Variants in NFKB1 observed in about 807,000 individuals in gnomAD.
NFKB1 encodes the protein nuclear factor kappa B subunit 1.
In NFKB1, 9 loss-of-function variants were observed where a neutral mutation model predicts 105.1. The observed-to-expected ratio is 0.09, with a 90% confidence interval of 0.05 to 0.15. The LOEUF (loss-of-function observed/expected upper bound fraction) is 0.15. NFKB1 is among the 10% of genes least tolerant of loss of function. The pLI, the probability that NFKB1 is intolerant of heterozygous loss-of-function variation, is 1.00. For synonymous variants in NFKB1, 440 were observed against 442.2 expected, an observed-to-expected ratio of 1.00 and a Z score of 0.06; for missense variants, 830 against 1,203.7, an observed-to-expected ratio of 0.69 and a Z score of 4.59.
intron 5 of NFKB1, among the ~76,000 whole-genome samples, chr4:102,561,296 T>C (rs60371688): frequency 0.55 from 72,265 of 132,368 alleles, 20,202 homozygotes; most frequent in Middle Eastern, 0.67. Flanking sequence ...TGTGTGTGTG[T>C]GCCTGATAAT....
chr4:102,514,455 T>C (rs1739993469), intron 1 of NFKB1, among the ~76,000 whole-genome samples: 1 of 152,210 alleles, frequency 6.6e-6, no homozygotes, highest in African/African-American at 2.4e-5. Context: ...TTCCGCCCTC[T>C]GCCAGTTGCG....
intron 4 of NFKB1, among the ~76,000 whole-genome samples, chr4:102,534,354 A>T (rs939987556): frequency 6.6e-6 from 1 of 152,110 alleles, no homozygotes; most frequent in Non-Finnish European, 1.5e-5. Context: ...GGAACATGTA[A>T]CCTAACATAC....
intron 5 of NFKB1, among the ~76,000 whole-genome samples, chr4:102,562,323 T>C (rs1299806716): frequency 6.6e-6 from 1 of 152,162 alleles, no homozygotes; most frequent in Non-Finnish European, 1.5e-5. Context: ...CTTTGTAAGC[T>C]CTTCTCAGTT....
chr4:102,570,082 T>G (rs1042101011), intron 6 of NFKB1, among the ~76,000 whole-genome samples: 1 of 152,164 alleles, frequency 6.6e-6, no homozygotes, highest in Admixed American at 6.5e-5. Context: ...TTTAGGCCAG[T>G]TCACTTACCA....
chr4:102,520,723 A>C lies in NFKB1; in HGVS notation c.-7-4789A>C, dbSNP rs138730220. Among the ~76,000 whole-genome samples, 110 of 152,192 alleles carry C rather than the reference A, an allele frequency of 7.2e-4. 1 individual carries two copies. The East Asian group carries it at 0.019, about 26-fold the overall frequency. On this transcript the variant is annotated intron_variant, in intron 1 of 23. Coordinates refer to ENST00000226574, the MANE Select transcript of NFKB1 (RefSeq NM_003998.4). ...CTAAGCCATGATCAACTTTTCTTTC[A>C]TCACCACTAAGCCAATATCAGAAAG...
intron 1 of NFKB1, among the ~76,000 whole-genome samples, chr4:102,521,870 A>T (rs372415481): frequency 6.6e-6 from 1 of 152,216 alleles, no homozygotes; most frequent in African/African-American, 2.4e-5. Context: ...TATGTTTTTC[A>T]TGTGAAAAAA....
chr4:102,588,355 A>T (rs1198414777), intron 11 of NFKB1, among the ~76,000 whole-genome samples: 3 of 151,870 alleles, frequency 2.0e-5, no homozygotes, highest in Admixed American at 6.6e-5. Flanking sequence ...ATTATTGGAG[A>T]TGGTTGGGTC....
At chr4:102,570,678 A>G (rs183282981) in intron 6 of NFKB1, among the ~76,000 whole-genome samples, 14 of 152,288 alleles carry the variant, frequency 9.2e-5, no homozygotes, top group Middle Eastern at 3.4e-3. Flanking sequence ...AAGCATTCCT[A>G]TACACCAATA....
In NFKB1 at chr4:102,594,965, T is replaced by C; in HGVS notation, c.1284T>C (p.Asn428=). 1 of 1,608,076 alleles carries C rather than the reference T, an allele frequency of 6.2e-7. No individual in the cohort carries two copies. The highest frequency in any genetic ancestry group is 2.2e-5 in the East Asian group (1 of 44,856). ...TCCATCCTGGAACTACTAAATCTAA[T>C]GCTGGGATGAAGCATGGTAAGTAAT... is the stretch of plus-strand genomic sequence containing the variant. ...ITFHPGTTKS[N]AGMKHGTMDT... is the part of the protein sequence containing the mutation. The change falls in exon 13 of 24, where the codon AAT becomes AAC. Residue 428 remains asparagine (N), a synonymous_variant. Coordinates refer to ENST00000226574, the MANE Select transcript of NFKB1 (RefSeq NM_003998.4).
chr4:102,581,118 G>A (rs971270632), intron 9 of NFKB1, among the ~76,000 whole-genome samples: 9 of 152,144 alleles, frequency 5.9e-5, no homozygotes, highest in Non-Finnish European at 8.8e-5. Flanking sequence ...AGAAAACAGG[G>A]AATACAGGGA....
intron 19 of NFKB1, among the ~76,000 whole-genome samples, chr4:102,608,723 A>C (rs944943560): frequency 6.6e-6 from 1 of 152,108 alleles, no homozygotes; most frequent in Non-Finnish European, 1.5e-5. Context: ...CAAAAGACAT[A>C]GGAACTTTTT....
rs1173273993 is a variant in NFKB1, at chr4:102,606,707, A to C, written c.1954+10A>C. The C allele has an allele frequency of 1.9e-6, 3 of 1,611,466 alleles. No homozygotes were observed. In the East Asian group the frequency reaches 6.7e-5, roughly 36 times the overall value. ...CACCCCAACGGGGACGGTAAGAGAC[A>C]ATCACACATCATTGGTGTAACTTTC... On this transcript the variant is annotated intron_variant, in intron 17 of 23. Coordinates refer to ENST00000226574, the MANE Select transcript of NFKB1 (RefSeq NM_003998.4).
Position 102,613,410 on chromosome 4 carries a change from C to G in NFKB1, c.2593-15C>G. ...GAACACAAGAACATGCTCCTCCTTCCTTTCTTTCTCACAGGTCTCTGGGGG... is the reference window on the plus strand; with the variant it reads ...GAACACAAGAACATGCTCCTCCTTCGTTTCTTTCTCACAGGTCTCTGGGGG... On this transcript the variant is annotated splice_polypyrimidine_tract_variant and intron_variant, in intron 22 of 23. Coordinates refer to ENST00000226574, the MANE Select transcript of NFKB1 (RefSeq NM_003998.4). 1 of 1,612,362 alleles carries G rather than the reference C, an allele frequency of 6.2e-7. No homozygotes were observed. Among genetic ancestry groups the G allele is most frequent in the Non-Finnish European group, 8.5e-7 (1 of 1,178,898 alleles).
chr4:102,587,918 A>G (rs897337867), intron 11 of NFKB1, among the ~76,000 whole-genome samples: 1 of 152,216 alleles, frequency 6.6e-6, no homozygotes, highest in Non-Finnish European at 1.5e-5. Flanking sequence ...TCCAAACTGT[A>G]CAACCCAGGG....
intron 1 of NFKB1, among the ~76,000 whole-genome samples, chr4:102,506,058 C>T (rs932840052): frequency 6.6e-6 from 1 of 151,804 alleles, no homozygotes; most frequent in Admixed American, 6.6e-5. Flanking sequence ...CTGGCGCCTT[C>T]CAAAAGGGGA....
intron 1 of NFKB1, among the ~76,000 whole-genome samples, chr4:102,518,969 A>G (rs1740385925): frequency 6.6e-6 from 1 of 152,160 alleles, no homozygotes; most frequent in Non-Finnish European, 1.5e-5. Flanking sequence ...TGGTCAGAGT[A>G]TGTCCGTAGG....
rs918820945 is a variant in NFKB1 at position 102,595,038 on chromosome 4, AG to A, written c.1300+60del. On this transcript the variant is annotated intron_variant, in intron 13 of 23. Transcript: ENST00000226574. ...AGGAAAAAAATAATTAATGCTAAAA[AG>A]GGTTTTTAAAATCATTACTTATCAC... The A allele has an allele frequency of 4.1e-6, 5 of 1,229,634 alleles. No homozygotes were observed. In the African/African-American group the frequency reaches 5.9e-5, roughly 15 times the overall value. The allele number at this position is 1,229,634 out of a possible 1,614,324, so 76.2% of individuals were successfully genotyped here.
At chr4:102,567,207 C>A in intron 6 of NFKB1, 72 bp downstream of exon 6, 1 of 1,509,632 alleles carries the variant, frequency 6.6e-7, no homozygotes, top group Non-Finnish European at 9.1e-7. Context: ...TTAGAATGAA[C>A]AGGCCCCTTT....
intron 19 of NFKB1, among the ~76,000 whole-genome samples, chr4:102,609,209 A>G (rs1052192339): frequency 1.3e-5 from 2 of 151,848 alleles, no homozygotes; most frequent in African/African-American, 4.8e-5. Flanking sequence ...AAAATGCTTT[A>G]TATTGAATTC....
Sources: gnomAD v4.1 joint callset for allele counts (sites outside exome capture counted in the v4.1 genomes callset) on GRCh38, gnomAD v4.1.1 for gene constraint, MANE v1.5 for transcripts, NCBI Gene and HGNC (gene_info 2026-07-23, HGNC 2026-07-21) for gene names.